The following MPRIP variants were observed in gnomAD, a reference collection of about 807,000 sequenced individuals.
MPRIP encodes myosin phosphatase Rho interacting protein.
MPRIP carries 59 observed loss-of-function variants against 234.9 expected under a neutral mutation model. The observed-to-expected ratio is 0.25, with a 90% CI of 0.20 to 0.31. The LOEUF (loss-of-function observed/expected upper bound fraction) is 0.31, where lower values mean the gene tolerates loss of function less well. Among genes scored for constraint, MPRIP ranks in the 10% least tolerant of loss-of-function variants. The pLI, the probability that MPRIP is intolerant of heterozygous loss-of-function variation, is 1.00. For missense variants in MPRIP, 2,436 were observed against 3,071.0 expected, an observed-to-expected ratio of 0.79 and a Z score of 4.89; for synonymous variants, 1,144 against 1,263.9, an observed-to-expected ratio of 0.91 and a Z score of 2.01.
chr17:17,048,648 T>C (rs1287251119), intron 1 of MPRIP, among the ~76,000 whole-genome samples: 2 of 152,114 alleles, frequency 1.3e-5, no homozygotes, highest in Non-Finnish European at 2.9e-5. Context: ...ACTTCATACC[T>C]GTCAGGATGG....
At chr17:17,174,683 A>G (rs1240611707) in intron 19 of MPRIP, among the ~76,000 whole-genome samples, 1 of 152,198 alleles carries the variant, frequency 6.6e-6, no homozygotes, top group Non-Finnish European at 1.5e-5. Flanking sequence ...AAAATACAAA[A>G]AATTAGCTGG....
rs139934070 is a variant in MPRIP, at chr17:17,146,038, C to T, written c.1506C>T (p.Pro502=). 39 of 1,613,894 alleles carry T rather than the reference C, an allele frequency of 2.4e-5. No individual in the cohort carries two copies. The East Asian group carries it at 3.3e-4, about 14-fold the overall frequency. ...GTTCTTTTTTCTCCCTTTCTCAGCC[C>T]GACCTGCTGAATTTCAAGAAAGGCT... The part of the protein sequence containing the change: ...DRRSTEPSVT[P]DLLNFKKGWL... The change falls in exon 10 of 24, where the codon CCC becomes CCT. Residue 502 remains proline, a splice_region_variant and synonymous_variant. Transcript: ENST00000651222.
At chr17:17,145,337 C>T (rs2045435496) in intron 9 of MPRIP, among the ~76,000 whole-genome samples, 1 of 152,180 alleles carries the variant, frequency 6.6e-6, no homozygotes, top group African/African-American at 2.4e-5. Flanking sequence ...CACCTCGGAC[C>T]AGAGATAAGG....
chr17:17,148,998 A>G (rs1462411499), intron 11 of MPRIP, among the ~76,000 whole-genome samples: 1 of 152,220 alleles, frequency 6.6e-6, no homozygotes, highest in Non-Finnish European at 1.5e-5. Flanking sequence ...ACATAATGAA[A>G]TGTGTAGACA....
At chr17:17,066,886 A>G (rs146180357) in intron 1 of MPRIP, among the ~76,000 whole-genome samples, 123 of 151,594 alleles carry the variant, frequency 8.1e-4, no homozygotes, top group Admixed American at 6.8e-3. Context: ...CCTCCCACGT[A>G]GCTGGGCCTC....
chr17:17,054,628 A>T (rs774737110), intron 1 of MPRIP, among the ~76,000 whole-genome samples: 2 of 152,056 alleles, frequency 1.3e-5, no homozygotes, highest in Admixed American at 6.6e-5. Context: ...TCGTGAGAGC[A>T]CACAAACTCC....
intron 1 of MPRIP, among the ~76,000 whole-genome samples, chr17:17,075,504 G>A: frequency 6.6e-6 from 1 of 152,108 alleles, no homozygotes; most frequent in Non-Finnish European, 1.5e-5. Flanking sequence ...GCCAGGGCCT[G>A]TATGCTCTCC....
chr17:17,141,079 C>T lies in MPRIP; in HGVS notation c.1251-1548C>T, dbSNP rs1212255591. Among the ~76,000 whole-genome samples, 3 of 152,208 alleles carry T rather than the reference C, an allele frequency of 2.0e-5. No individual in the cohort carries two copies. The East Asian group carries it at 5.8e-4, about 29-fold the overall frequency. ...GACTGTAGCAAGTGCCTTTCCTCTT[C>T]TCCACCACGACTCCTCTGTCTGGAT... On this transcript the variant is annotated intron_variant, in intron 7 of 23. Coordinates refer to ENST00000651222, the MANE Select transcript of MPRIP (RefSeq NM_001364716.4).
At chr17:17,070,449 CT>C (rs1312321873) in intron 1 of MPRIP, among the ~76,000 whole-genome samples, 8 of 151,976 alleles carry the variant, frequency 5.3e-5, no homozygotes, top group Non-Finnish European at 2.9e-5. Context: ...TCATTTTTTC[CT>C]GTCTGTTTTT....
chr17:17,192,427 T>TTGGG lies in MPRIP; in HGVS notation c.*7533_*7534insTGGG, dbSNP rs56270914. On this transcript the variant is annotated 3_prime_UTR_variant, in exon 24 of 24. Coordinates refer to ENST00000651222, the MANE Select transcript of MPRIP (RefSeq NM_001364716.4). ...ACCAGCTGAGCTGCTGCTTTTTTTTTGGGGGGGGGGGGGGGAGGGGCGTCT... is the reference window on the plus strand; with the variant it reads ...ACCAGCTGAGCTGCTGCTTTTTTTTTTGGGGGGGGGGGGGGGGGGAGGGGCGTCT... The TTGGG allele has an allele frequency of 0.03, 143 of 4,810 alleles. 40 individuals carry two copies. The highest frequency in any genetic ancestry group is 0.053 in the Non-Finnish European group (102 of 1,920). The allele number at this position is 4,810 out of a possible 1,614,324, so 0.3% of individuals were successfully genotyped here.
Position 17,187,665 on chromosome 17 carries a change from G to A in MPRIP, c.*2771G>A, listed in dbSNP as rs1408469550. 6.6e-6 allele frequency: 1 copy of A among 152,292 alleles called. No individual in the cohort carries two copies. The highest frequency in any genetic ancestry group is 1.5e-5 in the Non-Finnish European group (1 of 68,094). 9.4% of individuals were successfully genotyped at this position (152,292 alleles called of 1,614,324 possible). A position where few individuals can be genotyped will look rare whatever the true frequency, so the allele number is the denominator to read the frequency against. ...GAGCAGGGAGCCTTGTGCTGCACAG[G>A]GCTGGGCCCTCTCTCCAGTTTCCTT... On this transcript the variant is annotated 3_prime_UTR_variant, in exon 24 of 24. Coordinates refer to ENST00000651222, the MANE Select transcript of MPRIP (RefSeq NM_001364716.4).
At chr17:17,066,013 TG>T (rs1463567595) in intron 1 of MPRIP, among the ~76,000 whole-genome samples, 2 of 152,238 alleles carry the variant, frequency 1.3e-5, no homozygotes, top group African/African-American at 4.8e-5. Context: ...CCTGAAACTT[TG>T]TTGAACTCAC....
chr17:17,101,599 CAA>C (rs536076863), intron 3 of MPRIP, among the ~76,000 whole-genome samples: 2 of 143,516 alleles, frequency 1.4e-5, no homozygotes, highest in African/African-American at 5.3e-5. Context: ...ACAACAACAA[CAA>C]AAAAAATATA....
In MPRIP at chr17:17,191,868, C is replaced by CTTT. The variant is rs2046593203; in HGVS notation, c.*6975_*6977dup. On this transcript the variant is annotated 3_prime_UTR_variant, in exon 24 of 24. Transcript: ENST00000651222. ...GATTTTAAAGGATTTTAGGATTTAC[C>CTTT]TTTAGTATTAACAACGTATCTACTG... 6.6e-6 allele frequency: 1 copy of CTTT among 152,154 alleles called. No individual in the cohort carries two copies. The highest frequency in any genetic ancestry group is 1.5e-5 in the Non-Finnish European group (1 of 68,020). 9.4% of individuals were successfully genotyped at this position (152,154 alleles called of 1,614,324 possible).
At chr17:17,137,627 C>T (rs3924340) in intron 6 of MPRIP, among the ~76,000 whole-genome samples, 12,956 of 151,402 alleles carry the variant, frequency 0.086, 702 homozygotes, top group Middle Eastern at 0.16. Context: ...TCTGATCTTC[C>T]AGCCAAGCCC....
At chr17:17,121,909 G>A (rs1284263230) in intron 3 of MPRIP, among the ~76,000 whole-genome samples, 3 of 152,166 alleles carry the variant, frequency 2.0e-5, no homozygotes, top group Non-Finnish European at 4.4e-5. Flanking sequence ...GAGAGCATGT[G>A]CTGTGTGGTT....
Position 17,095,151 on chromosome 17 carries a change from T to A in MPRIP, c.267+17075T>A, listed in dbSNP as rs562059979. Reference sequence around the variant, plus strand: ...GTGTGTCCTCTTTTGTAGCATCCTGTTTGTGTTTCATGGGTGCAGTACTTT... The same window carrying A: ...GTGTGTCCTCTTTTGTAGCATCCTGATTGTGTTTCATGGGTGCAGTACTTT... On this transcript the variant is annotated intron_variant, in intron 3 of 23. Transcript: ENST00000651222. Among the ~76,000 whole-genome samples, 48 of 152,326 alleles carry A rather than the reference T, an allele frequency of 3.2e-4. 1 individual carries two copies. In the South Asian group the frequency reaches 9.9e-3, roughly 32 times the overall value.
At chr17:17,119,863 A>AT (rs2090355633) in intron 3 of MPRIP, among the ~76,000 whole-genome samples, 1 of 152,184 alleles carries the variant, frequency 6.6e-6, no homozygotes, top group Non-Finnish European at 1.5e-5. Context: ...ACCGTTTTCC[A>AT]TTTCATGTGC....
chr17:17,146,191 C>A, intron 10 of MPRIP, 99 bp downstream of exon 10: 1 of 1,040,406 alleles, frequency 9.6e-7, no homozygotes, highest in Non-Finnish European at 1.5e-6. Flanking sequence ...TGGCTCCATG[C>A]CTTCCTCCTC....
Sources: allele counts gnomAD v4.1 joint callset (sites outside exome capture counted in the v4.1 genomes callset), GRCh38; gene constraint gnomAD v4.1.1; transcripts MANE v1.5; gene names NCBI Gene and HGNC (gene_info 2026-07-23, HGNC 2026-07-21).